The following CDKN2B-AS1 variants were observed in gnomAD, a reference collection of about 807,000 sequenced individuals.
CDKN2B-AS1 encodes CDKN2B antisense RNA 1 (non-protein coding).
intron 4 of CDKN2B-AS1, chr9:22,078,024 C>T (rs904258141): frequency 6.6e-6 from 1 of 152,120 alleles, no homozygotes; most frequent in Non-Finnish European, 1.5e-5. Flanking sequence ...TTTTGTTTTA[C>T]TATCTCCAAG....
chr9:22,085,492 G>A (rs1034212006), intron 4 of CDKN2B-AS1, among the ~76,000 whole-genome samples: 2 of 152,068 alleles, frequency 1.3e-5, no homozygotes, highest in African/African-American at 4.8e-5. Flanking sequence ...AGGCTGAGGC[G>A]GGCGGATCAC....
chr9:22,029,503 G>C, intron 1 of CDKN2B-AS1: 2 of 779,564 alleles, frequency 2.6e-6, no homozygotes, highest in Non-Finnish European at 4.8e-6. Flanking sequence ...TGATTCCTCA[G>C]CTCCTCTCAT....
intron 1 of CDKN2B-AS1, among the ~76,000 whole-genome samples, chr9:22,020,005 T>A (rs958088733): frequency 6.6e-6 from 1 of 152,142 alleles, no homozygotes; most frequent in East Asian, 1.9e-4. Context: ...TTATTTTTCC[T>A]TATTTTCTCC....
chr9:22,088,763 A>G (rs1412218098), intron 4 of CDKN2B-AS1, among the ~76,000 whole-genome samples: 2 of 152,216 alleles, frequency 1.3e-5, no homozygotes, highest in Admixed American at 6.5e-5. Flanking sequence ...ATAAAAGAAA[A>G]TCACCCAACC....
At chr9:22,075,827 T>A (rs1319413020) in intron 4 of CDKN2B-AS1, among the ~76,000 whole-genome samples, 1 of 152,176 alleles carries the variant, frequency 6.6e-6, no homozygotes, top group Non-Finnish European at 1.5e-5. Flanking sequence ...ATTTAATACA[T>A]CCCAGAAATG....
chr9:22,031,619 G>A (rs148670537), intron 1 of CDKN2B-AS1, among the ~76,000 whole-genome samples: 120 of 152,158 alleles, frequency 7.9e-4, no homozygotes, highest in Admixed American at 2.4e-3. Flanking sequence ...TTTGAATATA[G>A]GTCAATATGA....
chr9:22,089,914 T>C (rs144853922), intron 4 of CDKN2B-AS1, among the ~76,000 whole-genome samples: 3,412 of 152,176 alleles, frequency 0.022, 66 homozygotes, highest in African/African-American at 0.046. Flanking sequence ...GCCATGTTGG[T>C]GTGCTGCACC....
intron 1 of CDKN2B-AS1, among the ~76,000 whole-genome samples, chr9:22,033,826 G>A (rs1563935915): frequency 1.3e-5 from 2 of 152,140 alleles, no homozygotes; most frequent in African/African-American, 2.4e-5. Context: ...TGCCTACTAC[G>A]TGCCAGATGC....
chr9:22,015,479 A>T (rs1219354807), intron 1 of CDKN2B-AS1, among the ~76,000 whole-genome samples: 2 of 152,104 alleles, frequency 1.3e-5, no homozygotes, highest in Non-Finnish European at 2.9e-5. Context: ...TTTAATATAA[A>T]TTTAAAAATT....
intron 1 of CDKN2B-AS1, among the ~76,000 whole-genome samples, chr9:22,025,254 C>T (rs545691260): frequency 3.7e-4 from 56 of 152,256 alleles, no homozygotes; most frequent in Non-Finnish European, 6.3e-4. Flanking sequence ...TGTCTGGTGA[C>T]GAGCAGCTGG....
intron 3 of CDKN2B-AS1, among the ~76,000 whole-genome samples, chr9:22,049,955 C>A (rs939117665): frequency 6.6e-6 from 1 of 152,050 alleles, no homozygotes; most frequent in African/African-American, 2.4e-5. Flanking sequence ...ATGGCTAGGA[C>A]TTGCAGAATT....
exon 5 of CDKN2B-AS1, among the ~76,000 whole-genome samples, chr9:22,127,412 C>G (rs1022238849): frequency 6.6e-6 from 1 of 152,162 alleles, no homozygotes; most frequent in Non-Finnish European, 1.5e-5. Flanking sequence ...GGTAAGTATG[C>G]CTAGATGCAC....
chr9:22,123,303 C>A (rs1365957884), intron 4 of CDKN2B-AS1, among the ~76,000 whole-genome samples: 2 of 152,130 alleles, frequency 1.3e-5, no homozygotes, highest in African/African-American at 4.8e-5. Flanking sequence ...CAAACAGGAA[C>A]AATTTGACTT....
chr9:22,072,313 T>C (rs1175763195), intron 4 of CDKN2B-AS1, among the ~76,000 whole-genome samples: 1 of 152,224 alleles, frequency 6.6e-6, no homozygotes, highest in African/African-American at 2.4e-5. Context: ...AAAGTAAGTT[T>C]CTAGTTTATA....
intron 4 of CDKN2B-AS1, among the ~76,000 whole-genome samples, chr9:22,109,497 T>G (rs1485943224): frequency 6.6e-6 from 1 of 152,170 alleles, no homozygotes; most frequent in Admixed American, 6.6e-5. Context: ...CTGCGTGTAC[T>G]TATTGAAGGA....
intron 4 of CDKN2B-AS1, among the ~76,000 whole-genome samples, chr9:22,107,544 C>T (rs1436058079): frequency 2.0e-5 from 3 of 152,136 alleles, no homozygotes; most frequent in Non-Finnish European, 4.4e-5. Flanking sequence ...TCCCACACCC[C>T]GAGTCCTTGT....
intron 1 of CDKN2B-AS1, among the ~76,000 whole-genome samples, chr9:22,008,516 C>A (rs1051522657): frequency 6.6e-6 from 1 of 152,114 alleles, no homozygotes; most frequent in African/African-American, 2.4e-5. Context: ...ATAAGCTTTC[C>A]TTTTCTCCTT....
intron 1 of CDKN2B-AS1, among the ~76,000 whole-genome samples, chr9:22,020,315 G>A (rs559739113): frequency 6.6e-6 from 1 of 152,128 alleles, no homozygotes; most frequent in Admixed American, 6.5e-5. Flanking sequence ...TTTGGCTATT[G>A]TGAATACTAT....
chr9:22,012,354 C>T (rs913675457), intron 1 of CDKN2B-AS1: 19 of 1,177,142 alleles, frequency 1.6e-5, no homozygotes, highest in African/African-American at 3.0e-5. Context: ...CAGCCCACCC[C>T]GCACCTGGTG....
Sources: gnomAD v4.1 joint callset for allele counts (sites outside exome capture counted in the v4.1 genomes callset) on GRCh38, gnomAD v4.1.1 for gene constraint, MANE v1.5 for transcripts, NCBI Gene and HGNC (gene_info 2026-07-23, HGNC 2026-07-21) for gene names.